The following RET variants were observed in gnomAD, a reference collection of about 807,000 sequenced individuals.
The protein encoded by RET is proto-oncogene tyrosine-protein kinase receptor Ret.
Under a neutral mutation model 118.3 loss-of-function variants are expected in RET, and 19 were observed. The ratio of observed to expected loss-of-function variants is 0.16; its 90% CI spans 0.11 to 0.24. The LOEUF (loss-of-function observed/expected upper bound fraction) is 0.24. RET is among the 10% of genes least tolerant of loss of function. The probability of loss-of-function intolerance (pLI) is 1.00; values close to 1 mark genes in which losing one functional copy is unlikely to be tolerated. For missense variants in RET, 1,219 were observed against 1,502.1 expected (o/e 0.81, Z 3.12); for synonymous variants, 597 against 644.1 (o/e 0.93, Z 1.11).
chr10:43,114,835 C>A lies in RET; in HGVS notation c.2136+99C>A, dbSNP rs2132857957. On this transcript the variant is annotated intron_variant, in intron 11 of 19. Transcript: ENST00000355710. This position sits in a 1 kb window ranked among gnomAD's most constrained non-coding sequence, Gnocchi z 4.6. ...GAGACAGAGGCCATCCTGTGAGGGG[C>A]TGCCAACGCTGGGCAGACGAGGCCT... 7.7e-7 allele frequency: 1 copy of A among 1,301,170 alleles called. No individual in the cohort carries two copies. The highest frequency in any genetic ancestry group is 1.0e-6 in the Non-Finnish European group (1 of 956,520). 80.6% of individuals were successfully genotyped at this position (1,301,170 alleles called of 1,614,324 possible).
chr10:43,095,666 G>A (rs1413395768), intron 1 of RET, among the ~76,000 whole-genome samples: 2 of 152,260 alleles, frequency 1.3e-5, no homozygotes, highest in Non-Finnish European at 2.9e-5. Flanking sequence ...GAGCTGGGCA[G>A]GGTGGGAGCA....
intron 1 of RET, among the ~76,000 whole-genome samples, chr10:43,085,733 C>T (rs1837276034): frequency 1.3e-5 from 2 of 152,186 alleles, no homozygotes; most frequent in South Asian, 4.1e-4. Context: ...GCACCACTTC[C>T]CTGGGCATCC....
chr10:43,111,009 A>G (rs570534944), intron 6 of RET, among the ~76,000 whole-genome samples, 198 bp from the exon 7 acceptor site: 1 of 151,340 alleles, frequency 6.6e-6, no homozygotes, highest in East Asian at 2.0e-4. Flanking sequence ...CCTGAGTGGA[A>G]CGGGGCAGGG....
intron 1 of RET, among the ~76,000 whole-genome samples, chr10:43,079,190 C>T (rs1303503924): frequency 6.6e-6 from 1 of 152,190 alleles, no homozygotes; most frequent in Non-Finnish European, 1.5e-5. Flanking sequence ...CACATGCACA[C>T]TCACACTGGA....
At chr10:43,089,947 C>T in intron 1 of RET, among the ~76,000 whole-genome samples, 1 of 152,222 alleles carries the variant, frequency 6.6e-6, no homozygotes, top group East Asian at 1.9e-4. Context: ...TTGTTCAGGA[C>T]AGTGGGCAGG....
chr10:43,088,495 G>A (rs1837343272), intron 1 of RET, among the ~76,000 whole-genome samples: 1 of 152,036 alleles, frequency 6.6e-6, no homozygotes, highest in African/African-American at 2.4e-5. Context: ...GCAGTGGCGG[G>A]GAAGGTGGAG....
At chr10:43,122,315 TG>T (rs1469921922) in intron 16 of RET, among the ~76,000 whole-genome samples, 3 of 152,186 alleles carry the variant, frequency 2.0e-5, no homozygotes, top group African/African-American at 4.8e-5. Flanking sequence ...TGCCTCCCTC[TG>T]GGTCCCTTGG....
chr10:43,105,680 A>G lies in RET; in HGVS notation c.867+487A>G, dbSNP rs574486865. Among the ~76,000 whole-genome samples the G allele has an allele frequency of 5.9e-5, 9 of 152,284 alleles. No homozygotes were observed. In the South Asian group the frequency reaches 1.5e-3, roughly 25 times the overall value. On this transcript the variant is annotated intron_variant, in intron 4 of 19. Coordinates refer to ENST00000355710, the MANE Select transcript of RET (RefSeq NM_020975.6). Reference sequence around the variant, plus strand: ...ACCTGCTGGGCCTCGGCCTTCCTGCAGCCGGCCCACCCAGCAGGGGCCGTG... The same window carrying G: ...ACCTGCTGGGCCTCGGCCTTCCTGCGGCCGGCCCACCCAGCAGGGGCCGTG...
At chr10:43,092,553 TC>T (rs1392655241) in intron 1 of RET, among the ~76,000 whole-genome samples, 10 of 152,230 alleles carry the variant, frequency 6.6e-5, no homozygotes, top group African/African-American at 2.4e-4. Flanking sequence ...CAGTAGAGCC[TC>T]CCTTGATCCG....
At chr10:43,082,824 T>G (rs1234953579) in intron 1 of RET, among the ~76,000 whole-genome samples, 1 of 152,206 alleles carries the variant, frequency 6.6e-6, no homozygotes, top group East Asian at 1.9e-4. Flanking sequence ...TGGGGAGATG[T>G]GTGCTCTGGG....
At chr10:43,112,367 C>A in intron 8 of RET, 143 bp downstream of exon 8, 1 of 1,280,166 alleles carries the variant, frequency 7.8e-7, no homozygotes, top group Non-Finnish European at 1.1e-6. Context: ...GCTCTCGATG[C>A]CAGCATAGCG....
intron 11 of RET, among the ~76,000 whole-genome samples, chr10:43,115,521 TTGG>T (rs1187521931): frequency 6.6e-6 from 1 of 152,248 alleles, no homozygotes; most frequent in African/African-American, 2.4e-5. Context: ...GCTTTCCTAA[TTGG>T]TGGTCCCCAT....
rs1380661441 is a variant in RET at position 43,117,078 on chromosome 10, C to T, written c.2284+347C>T. 5.9e-5 allele frequency among the ~76,000 whole-genome samples: 9 copies of T among 152,260 alleles called. No homozygotes were observed. The East Asian group carries it at 1.7e-3, about 29-fold the overall frequency. On this transcript the variant is annotated intron_variant, in intron 12 of 19. Transcript: ENST00000355710. Reference sequence around the variant, plus strand: ...CCTGGGGTCTTGGTGAAGAGACCACCAGTAAGGACTGGCCCTCAATCTCAA... The same window carrying T: ...CCTGGGGTCTTGGTGAAGAGACCACTAGTAAGGACTGGCCCTCAATCTCAA...
chr10:43,107,411 T>C (rs569446466), intron 5 of RET, among the ~76,000 whole-genome samples: 1 of 152,266 alleles, frequency 6.6e-6, no homozygotes, highest in South Asian at 2.1e-4. Flanking sequence ...ATGGCATGAC[T>C]TCCAGGGCTT....
chr10:43,113,736 C>A (rs1433924471), intron 10 of RET, 61 bp downstream of exon 10: 1 of 1,601,386 alleles, frequency 6.2e-7, no homozygotes, highest in Admixed American at 1.7e-5. Context: ...CTCAACAGCA[C>A]ATCTGAGGTC....
intron 1 of RET, among the ~76,000 whole-genome samples, chr10:43,086,943 CCTT>C (rs1389172058): frequency 6.6e-6 from 1 of 152,260 alleles, no homozygotes; most frequent in Non-Finnish European, 1.5e-5. Context: ...TTGCGGACCT[CCTT>C]CTCCCAAACC....
chr10:43,118,073 T>C (rs1050789098), intron 12 of RET, among the ~76,000 whole-genome samples: 1 of 152,304 alleles, frequency 6.6e-6, no homozygotes, highest in African/African-American at 2.4e-5. Context: ...GACGACTGTC[T>C]TCTAAAGACA....
At position 43,128,638 on chromosome 10, in the gene RET, T is replaced by C. The variant is rs1313926677; in HGVS notation, c.*369T>C. 7.5e-6 allele frequency: 3 copies of C among 401,714 alleles called. No individual in the cohort carries two copies. Among genetic ancestry groups the C allele is most frequent in the Non-Finnish European group, 1.4e-5 (3 of 215,110 alleles). 24.9% of individuals were successfully genotyped at this position (401,714 alleles called of 1,614,324 possible). A position where few individuals can be genotyped will look rare whatever the true frequency, so the allele number is the denominator to read the frequency against. On this transcript the variant is annotated 3_prime_UTR_variant, in exon 20 of 20. Transcript: ENST00000355710. ...GGTGTATGAAATTGGACCTGAACTG[T>C]TGGATTTTTCTAGTTGCCGCCAAAC...
chr10:43,092,637 G>A (rs1837434364), intron 1 of RET, among the ~76,000 whole-genome samples: 1 of 152,244 alleles, frequency 6.6e-6, no homozygotes, highest in African/African-American at 2.4e-5. Context: ...CAGAGCCGAG[G>A]ACCCAGGTTT....
Sources: allele counts gnomAD v4.1 joint callset (sites outside exome capture counted in the v4.1 genomes callset), GRCh38; gene constraint gnomAD v4.1.1; non-coding constraint Gnocchi (gnomAD v3.1); transcripts MANE v1.5; gene names NCBI Gene and HGNC (gene_info 2026-07-23, HGNC 2026-07-21).